The following B4GALT5 variants were observed in gnomAD, a reference collection of about 807,000 sequenced individuals.
The protein encoded by B4GALT5 is beta-1,4-galactosyltransferase 5, also known as UDP-Gal:beta-GlcNAc beta-1,4-galactosyltransferase 5.
Under a neutral mutation model 45.0 loss-of-function variants are expected in B4GALT5, and 11 were observed. The ratio of observed to expected loss-of-function variants is 0.24; its 90% CI spans 0.15 to 0.40. B4GALT5 has a LOEUF of 0.40. B4GALT5 is among the 10% of genes least tolerant of loss of function. The pLI is 1.00. For missense variants in B4GALT5, 337 were observed against 500.2 expected, an observed-to-expected ratio of 0.67 and a Z score of 3.11; for synonymous variants, 185 against 182.9, an observed-to-expected ratio of 1.01 and a Z score of -0.09.
intron 1 of B4GALT5, among the ~76,000 whole-genome samples, chr20:49,697,403 C>T (rs1252434724): frequency 6.6e-6 from 1 of 152,218 alleles, no homozygotes; most frequent in Non-Finnish European, 1.5e-5. Flanking sequence ...AAGGATGGGA[C>T]AATGGGAAAG....
In B4GALT5 at chr20:49,688,026, C is replaced by A. The variant is rs902085977; in HGVS notation, c.115+25550G>T. On this transcript the variant is annotated intron_variant, in intron 1 of 8. Transcript: ENST00000371711. ...ACTGCTTTGCCCCTCAGGGAATCTG[C>A]CAATGCTAGGTGCCAGGAAGGAGGC... is the stretch of plus-strand genomic sequence containing the variant. 7.2e-5 allele frequency among the ~76,000 whole-genome samples: 11 copies of A among 152,066 alleles called. 1 individual carries two copies. Among genetic ancestry groups the A allele is most frequent in the Admixed American group, 7.2e-4 (11 of 15,260 alleles).
At position 49,639,794 on chromosome 20, in the gene B4GALT5, AG is replaced by A; in HGVS notation, c.800del (p.Pro267LeufsTer9). The part of the protein sequence containing the change: ...TKLDKYMYLL[P>X]YTEFFGGVSG... ...TCACTCCGCCAAAGAACTCGGTATAAGGAAGCCTAGGAGGAGATGTGGGACA... is the reference window on the plus strand; with the variant it reads ...TCACTCCGCCAAAGAACTCGGTATAAGAAGCCTAGGAGGAGATGTGGGACA... On this transcript the variant is annotated frameshift_variant, in exon 7 of 9. Coordinates refer to ENST00000371711, the MANE Select transcript of B4GALT5 (RefSeq NM_004776.4). LOFTEE classifies it high-confidence loss of function. The A allele has an allele frequency of 6.2e-7, 1 of 1,612,830 alleles. No homozygotes were observed. Among genetic ancestry groups the A allele is most frequent in the Non-Finnish European group, 8.5e-7 (1 of 1,179,096 alleles).
intron 1 of B4GALT5, among the ~76,000 whole-genome samples, chr20:49,701,403 C>CTT (rs917311204): frequency 5.3e-5 from 8 of 152,114 alleles, no homozygotes; most frequent in African/African-American, 1.9e-4. Flanking sequence ...AGTCCAGCAG[C>CTT]TTTTACACGT....
chr20:49,656,646 T>C lies in B4GALT5; in HGVS notation c.172A>G (p.Arg58Gly). Reference protein sequence around the residue: ...AQGILIRDNVRTIGAQVYEQV... With the variant: ...AQGILIRDNVGTIGAQVYEQV... The stretch of plus-strand genomic sequence containing the variant: ...TCATAAACCTGAGCACCGATTGTTC[T>C]CACGTTGTCCCGGATCAGAATGCCT... The change falls in exon 2 of 9, where the codon AGA becomes GGA. Residue 58 changes from arginine (R) to glycine (G), a missense_variant. Transcript: ENST00000371711. 3 of 1,614,184 alleles carry C rather than the reference T, an allele frequency of 1.9e-6. No homozygotes were observed. The highest frequency in any genetic ancestry group is 2.5e-6 in the Non-Finnish European group (3 of 1,180,030).
intron 3 of B4GALT5, 102 bp downstream of exon 3, chr20:49,646,863 G>C (rs947119668): frequency 5.9e-6 from 4 of 675,918 alleles, no homozygotes; most frequent in African/African-American, 1.9e-5. Context: ...CCAATGGCAG[G>C]GAGGTATTTA....
intron 1 of B4GALT5, among the ~76,000 whole-genome samples, chr20:49,711,094 A>C (rs540335323): frequency 2.9e-4 from 41 of 143,580 alleles, no homozygotes; most frequent in African/African-American, 1.1e-3. Context: ...AAAAAAAAAA[A>C]TTAGTAGGAA....
intron 1 of B4GALT5, among the ~76,000 whole-genome samples, chr20:49,668,560 C>T (rs990032875): frequency 7.2e-6 from 1 of 139,370 alleles, no homozygotes; most frequent in African/African-American, 2.7e-5. Context: ...AAACTGAACA[C>T]GTACACTTAT....
At chr20:49,674,713 AG>A (rs1645597940) in intron 1 of B4GALT5, among the ~76,000 whole-genome samples, 1 of 151,968 alleles carries the variant, frequency 6.6e-6, no homozygotes, top group Non-Finnish European at 1.5e-5. Context: ...AAGAAGAAGA[AG>A]AAAAAGAATT....
At chr20:49,653,851 A>C (rs1657085385) in intron 2 of B4GALT5, among the ~76,000 whole-genome samples, 1 of 152,258 alleles carries the variant, frequency 6.6e-6, no homozygotes, top group Admixed American at 6.5e-5. Flanking sequence ...ACCAAGTTCA[A>C]TAATAACGGG....
chr20:49,664,421 T>TACACACACACAC lies in B4GALT5; in HGVS notation c.116-7731_116-7720dup, dbSNP rs55990435. 1.9e-3 allele frequency among the ~76,000 whole-genome samples: 247 copies of TACACACACACAC among 128,894 alleles called. 1 individual carries two copies. The highest frequency in any genetic ancestry group is 4.2e-3 in the South Asian group (15 of 3,558). The allele number at this position is 128,894 out of a possible 152,430, so 84.6% of individuals were successfully genotyped here. ...TTTTTTTAGAGATGAGGTCTCCAAA[T>TACACACACACAC]ACACACACACACACACACACACACA... On this transcript the variant is annotated intron_variant, in intron 1 of 8. Coordinates refer to ENST00000371711, the MANE Select transcript of B4GALT5 (RefSeq NM_004776.4).
intron 1 of B4GALT5, among the ~76,000 whole-genome samples, chr20:49,682,142 T>C (rs192132842): frequency 9.9e-5 from 15 of 152,284 alleles, no homozygotes; most frequent in Admixed American, 8.5e-4. Flanking sequence ...TCTCATCTCA[T>C]TCAGAGTACA....
intron 3 of B4GALT5, among the ~76,000 whole-genome samples, chr20:49,645,041 C>G (rs779221213): frequency 2.0e-5 from 3 of 152,016 alleles, no homozygotes; most frequent in Admixed American, 6.6e-5. Flanking sequence ...AAAAAAAGAA[C>G]AAAAAGATCT....
chr20:49,663,685 A>G (rs1601256529), intron 1 of B4GALT5, among the ~76,000 whole-genome samples: 1 of 60,096 alleles, frequency 1.7e-5, no homozygotes, highest in Non-Finnish European at 3.3e-5. Context: ...GAAAAAAAAA[A>G]AAAAAATATA....
chr20:49,699,876 A>C (rs184943468), intron 1 of B4GALT5, among the ~76,000 whole-genome samples: 15 of 152,308 alleles, frequency 9.8e-5, no homozygotes, highest in Admixed American at 6.5e-4. Flanking sequence ...ACTTAAAGTC[A>C]TTCCTCTGCT....
intron 7 of B4GALT5, among the ~76,000 whole-genome samples, chr20:49,638,767 T>C (rs2085564262): frequency 1.3e-5 from 2 of 151,942 alleles, no homozygotes; most frequent in South Asian, 4.1e-4. Flanking sequence ...CTTATAGGAA[T>C]TTTTCCTAAA....
At chr20:49,663,163 A>C (rs1568722324) in intron 1 of B4GALT5, among the ~76,000 whole-genome samples, 1 of 152,222 alleles carries the variant, frequency 6.6e-6, no homozygotes, top group South Asian at 2.1e-4. Flanking sequence ...AGGCACAGCT[A>C]ATCTACAACA....
At chr20:49,705,894 A>C (rs1039126257) in intron 1 of B4GALT5, among the ~76,000 whole-genome samples, 1 of 152,030 alleles carries the variant, frequency 6.6e-6, no homozygotes, top group Admixed American at 6.6e-5. Context: ...AATAAGAATC[A>C]TAAGGCCGGG....
chr20:49,639,641 G>GC, intron 7 of B4GALT5, 37 bp downstream of exon 7: 1 of 1,609,782 alleles, frequency 6.2e-7, no homozygotes, highest in Non-Finnish European at 8.5e-7. Flanking sequence ...GTCTAAGGTA[G>GC]CATTTCTAGA....
chr20:49,703,729 A>AAAAAAAAAAATAAT (rs1555814907), intron 1 of B4GALT5, among the ~76,000 whole-genome samples: 12 of 133,782 alleles, frequency 9.0e-5, no homozygotes, highest in African/African-American at 3.3e-4. Context: ...TTTCTACTAA[A>AAAAAAAAAAATAAT]AAAAAAAAAA....
Sources: allele counts gnomAD v4.1 joint callset (sites outside exome capture counted in the v4.1 genomes callset), GRCh38; gene constraint gnomAD v4.1.1; transcripts MANE v1.5; gene names NCBI Gene and HGNC (gene_info 2026-07-23, HGNC 2026-07-21).